Variants in TNRC18 observed in about 807,000 individuals in gnomAD.
TNRC18 encodes the protein trinucleotide repeat-containing gene 18 protein.
A neutral mutation model predicts 226.7 loss-of-function variants in TNRC18; 69 were observed. The observed-to-expected ratio is 0.30, with a 90% CI of 0.25 to 0.37. The LOEUF (loss-of-function observed/expected upper bound fraction) is 0.37, where lower values mean the gene tolerates loss of function less well. Among genes scored for constraint, TNRC18 ranks in the 10% least tolerant of loss-of-function variants. The pLI is 1.00. For synonymous variants in TNRC18, 2,449 were observed against 1,927.6 expected (o/e 1.27, Z -7.09); for missense variants, 4,754 against 4,256.6 (o/e 1.12, Z -3.25).
At chr7:5,335,729 T>C (rs1332207640) in intron 18 of TNRC18, among the ~76,000 whole-genome samples, 2 of 149,238 alleles carry the variant, frequency 1.3e-5, no homozygotes, top group Non-Finnish European at 3.0e-5. Context: ...AGCCCAGGGC[T>C]CAGCAAAAAG....
intron 19 of TNRC18, among the ~76,000 whole-genome samples, chr7:5,327,824 T>C (rs1789091530): frequency 6.6e-6 from 1 of 152,136 alleles, no homozygotes; most frequent in Non-Finnish European, 1.5e-5. Flanking sequence ...CGCTGCCTGC[T>C]TTGGTAACTA....
Position 5,388,851 on chromosome 7 carries a change from G to C in TNRC18, c.973C>G (p.Leu325Val), listed in dbSNP as rs1436635287. ...ARLLRRTETL[L>V]PGPRPCPSPL... ...GAGGGGCAGGGGCGCGGCCCAGGGAGCAGGGTCTCCGTGCGCCGCAGCAGC... is the reference window on the plus strand; with the variant it reads ...GAGGGGCAGGGGCGCGGCCCAGGGACCAGGGTCTCCGTGCGCCGCAGCAGC... The change falls in exon 5 of 30, where the codon CTC (leucine) becomes GTC (valine). Residue 325 changes from leucine to valine, a missense_variant. By Grantham distance (32) the Leu-to-Val change is conservative (BLOSUM62 1). Transcript: ENST00000430969. 1 of 1,261,680 alleles carries C rather than the reference G, an allele frequency of 7.9e-7. No individual in the cohort carries two copies. Among genetic ancestry groups the C allele is most frequent in the Non-Finnish European group, 1.0e-6 (1 of 1,000,054 alleles). 78.2% of individuals were successfully genotyped at this position (1,261,680 alleles called of 1,614,324 possible). A position where few individuals can be genotyped will look rare whatever the true frequency, so the allele number is the denominator to read the frequency against.
intron 21 of TNRC18, among the ~76,000 whole-genome samples, chr7:5,322,840 C>T (rs1238054926): frequency 2.0e-5 from 3 of 152,246 alleles, no homozygotes; most frequent in South Asian, 2.1e-4. Context: ...CCTGCTGTGC[C>T]TGCCTGTGGC....
At chr7:5,372,038 G>A (rs1490714798) in intron 10 of TNRC18, among the ~76,000 whole-genome samples, 2 of 151,422 alleles carry the variant, frequency 1.3e-5, no homozygotes, top group African/African-American at 4.9e-5. Context: ...GCTGGGACAA[G>A]AAGCATAAGC....
rs540131711 is a variant in TNRC18 at position 5,309,390 on chromosome 7, G to C, written c.8389-22C>G. 22 of 1,586,692 alleles carry C rather than the reference G, an allele frequency of 1.4e-5. No individual in the cohort carries two copies. The highest frequency in any genetic ancestry group is 1.8e-5 in the Admixed American group (1 of 56,308). On this transcript the variant is annotated intron_variant, in intron 27 of 29. Coordinates refer to ENST00000430969, the MANE Select transcript of TNRC18 (RefSeq NM_001080495.3). The surrounding 1 kb of genome is among the most constrained non-coding windows in gnomAD (Gnocchi z 5.7). ...GCCGCTGCAAGGACACGTGTGTCAC[G>C]GCACAGGCCCTGGCCCAGCCCCAAG... is the stretch of plus-strand genomic sequence containing the variant.
rs554156216 is a variant in TNRC18 at position 5,311,625 on chromosome 7, G to A, written c.8388+878C>T. ...GCCCAGGGGTTCAAGACCAGCCCAA[G>A]CAACACAGTGAGACACTGTCTCTAC... On this transcript the variant is annotated intron_variant, in intron 27 of 29. Coordinates refer to ENST00000430969, the MANE Select transcript of TNRC18 (RefSeq NM_001080495.3). 2.6e-5 allele frequency among the ~76,000 whole-genome samples: 4 copies of A among 152,240 alleles called. No homozygotes were observed. In the East Asian group the frequency reaches 7.7e-4, roughly 29 times the overall value.
In TNRC18 at chr7:5,387,867, G is replaced by C. The variant is rs575024819; in HGVS notation, c.1957C>G (p.Arg653Gly). The change falls in exon 5 of 30, where the codon CGG becomes GGG. Residue 653 changes from arginine (R) to glycine (G), a missense_variant. Physicochemically the swap from Arg to Gly is moderately radical, Grantham distance 125. Coordinates refer to ENST00000430969, the MANE Select transcript of TNRC18 (RefSeq NM_001080495.3). ...PAAGGGRQLK[R>G]DPERPESAKA... Reference sequence around the variant, plus strand: ...GCGCTCTCGGGCCTCTCGGGGTCCCGCTTCAGCTGCCGGCCGCCGCCCGCT... The same window carrying C: ...GCGCTCTCGGGCCTCTCGGGGTCCCCCTTCAGCTGCCGGCCGCCGCCCGCT... 6 of 1,596,186 alleles carry C rather than the reference G, an allele frequency of 3.8e-6. No homozygotes were observed. Among genetic ancestry groups the C allele is most frequent in the Non-Finnish European group, 4.3e-6 (5 of 1,174,218 alleles).
At chr7:5,332,040 A>G (rs1284097553) in intron 19 of TNRC18, among the ~76,000 whole-genome samples, 3 of 152,368 alleles carry the variant, frequency 2.0e-5, no homozygotes, top group Admixed American at 1.3e-4. Context: ...CAATATTTTG[A>G]TAACTATGGT....
intron 4 of TNRC18, 125 bp from the exon 5 acceptor site, chr7:5,389,461 G>GTTTTTTTGTTTTTTTTGTTTT: frequency 3.5e-6 from 2 of 564,674 alleles, no homozygotes; most frequent in African/African-American, 5.5e-5. Flanking sequence ...TTTGGTTTTG[G>GTTTTTTTGTTTTTTTTGTTTT]TTTTTTTTTT....
chr7:5,334,738 C>T (rs1436284376), intron 18 of TNRC18, among the ~76,000 whole-genome samples: 1 of 152,052 alleles, frequency 6.6e-6, no homozygotes, highest in Non-Finnish European at 1.5e-5. Flanking sequence ...CCCCAGAGAT[C>T]CACTGGAACA....
At position 5,377,785 on chromosome 7, in the gene TNRC18, AC is replaced by A; in HGVS notation, c.2255+136del. 9.9e-7 allele frequency: 1 copy of A among 1,005,620 alleles called. No homozygotes were observed. The highest frequency in any genetic ancestry group is 1.6e-5 in the South Asian group (1 of 63,432). The allele number at this position is 1,005,620 out of a possible 1,614,324, so 62.3% of individuals were successfully genotyped here. A position where few individuals can be genotyped will look rare whatever the true frequency, so the allele number is the denominator to read the frequency against. ...GGGCAGGGCTGGCCCGATGCTGAGG[AC>A]CAGAGTGACTCCCGCTCTCAGTACC... On this transcript the variant is annotated intron_variant, in intron 6 of 29. Coordinates refer to ENST00000430969, the MANE Select transcript of TNRC18 (RefSeq NM_001080495.3). The surrounding 1 kb of genome is among the most constrained non-coding windows in gnomAD (Gnocchi z 5.8).
intron 8 of TNRC18, among the ~76,000 whole-genome samples, chr7:5,376,555 T>C (rs951822635): frequency 6.6e-6 from 1 of 152,116 alleles, no homozygotes; most frequent in African/African-American, 2.4e-5. Flanking sequence ...CCCAGTGGTC[T>C]ACAAGGTGGA....
chr7:5,417,900 T>C (rs895677002), intron 2 of TNRC18, among the ~76,000 whole-genome samples: 1 of 152,182 alleles, frequency 6.6e-6, no homozygotes, highest in Non-Finnish European at 1.5e-5. Context: ...ATTCCAGAGA[T>C]GGATCTGATC....
intron 16 of TNRC18, among the ~76,000 whole-genome samples, chr7:5,355,872 T>C (rs1475337718): frequency 6.6e-6 from 1 of 151,336 alleles, no homozygotes; most frequent in East Asian, 2.0e-4. Flanking sequence ...GAAGAGACCC[T>C]GTCTCAAAAA....
In TNRC18 at chr7:5,387,896, G is replaced by A. The variant is rs756117186; in HGVS notation, c.1928C>T (p.Pro643Leu). Reference protein sequence around the residue: ...AQARLPHSGGPAAGGGRQLKR... With the variant: ...AQARLPHSGGLAAGGGRQLKR... ...CAGCTGCCGGCCGCCGCCCGCTGCA[G>A]GGCCTCCGGAGTGTGGGAGACGGGC... Residue 643 changes from proline (P) to leucine (L), a missense_variant, in exon 5 of 30, where the codon CCT becomes CTT. Pro to Leu is a moderately conservative substitution (Grantham distance 98). Transcript: ENST00000430969. The A allele has an allele frequency of 5.7e-6, 9 of 1,591,598 alleles. No individual in the cohort carries two copies. Among genetic ancestry groups the A allele is most frequent in the Admixed American group, 3.5e-5 (2 of 56,672 alleles).
At position 5,388,976 on chromosome 7, in the gene TNRC18, A is replaced by G. The variant is rs958799030; in HGVS notation, c.848T>C (p.Met283Thr). The change falls in exon 5 of 30, where the codon ATG becomes ACG. Residue 283 changes from methionine (M) to threonine (T), a missense_variant. Coordinates refer to ENST00000430969, the MANE Select transcript of TNRC18 (RefSeq NM_001080495.3). Reference sequence around the variant, plus strand: ...CACGTCCCCGGCGCCGCCGTTGCACATGGTCAGTACCGACGGCTGCAGCGC... The same window carrying G: ...CACGTCCCCGGCGCCGCCGTTGCACGTGGTCAGTACCGACGGCTGCAGCGC... ...NAALQPSVLT[M>T]CNGGAGDVGL... 7.2e-7 allele frequency: 1 copy of G among 1,392,902 alleles called. No homozygotes were observed. The highest frequency in any genetic ancestry group is 9.4e-7 in the Non-Finnish European group (1 of 1,067,930). The allele number at this position is 1,392,902 out of a possible 1,614,324, so 86.3% of individuals were successfully genotyped here.
chr7:5,386,511 T>C (rs955084790), intron 5 of TNRC18, among the ~76,000 whole-genome samples: 2 of 149,546 alleles, frequency 1.3e-5, no homozygotes, highest in African/African-American at 5.0e-5. Context: ...GAGGCAGAGG[T>C]CGCAGTGAGC....
Position 5,346,372 on chromosome 7 carries a change from C to T in TNRC18, c.5471-562G>A, listed in dbSNP as rs956825343. ...CAGGGGACCCCCATGGTTTCAGCCC[C>T]GAGAAGGGATCTGGAGTCTAGAGTC... On this transcript the variant is annotated intron_variant, in intron 17 of 29. Transcript: ENST00000430969. 2.6e-5 allele frequency among the ~76,000 whole-genome samples: 4 copies of T among 152,116 alleles called. No homozygotes were observed. In the South Asian group the frequency reaches 8.3e-4, roughly 32 times the overall value.
intron 14 of TNRC18, among the ~76,000 whole-genome samples, chr7:5,360,781 T>C (rs1403987903): frequency 6.6e-6 from 1 of 152,252 alleles, no homozygotes; most frequent in East Asian, 1.9e-4. Context: ...GTCAGAAACA[T>C]CCAAGAATGT....
Sources: allele counts gnomAD v4.1 joint callset (sites outside exome capture counted in the v4.1 genomes callset), GRCh38; gene constraint gnomAD v4.1.1; non-coding constraint Gnocchi (gnomAD v3.1); transcripts MANE v1.5; gene names NCBI Gene and HGNC (gene_info 2026-07-23, HGNC 2026-07-21).